DNER: variants seen among roughly 807,000 people sequenced by gnomAD.
DNER encodes delta/notch like EGF repeat containing, also known as delta and Notch-like epidermal growth factor-related receptor.
Under a neutral mutation model 78.2 loss-of-function variants are expected in DNER, and 33 were observed. The ratio of observed to expected loss-of-function variants is 0.42; its 90% confidence interval spans 0.32 to 0.56. The LOEUF is 0.56. DNER is among the 20% of genes least tolerant of loss of function. The pLI, the probability that DNER is intolerant of heterozygous loss-of-function variation, is 0.11. For synonymous variants in DNER, 417 were observed against 384.8 expected (o/e 1.08, Z -0.98); for missense variants, 918 against 975.3 (o/e 0.94, Z 0.78).
At chr2:229,519,036 C>T (rs1191536423) in intron 5 of DNER, among the ~76,000 whole-genome samples, 1 of 151,578 alleles carries the variant, frequency 6.6e-6, no homozygotes, top group South Asian at 2.1e-4. Context: ...ACATAGGGCT[C>T]TATGACTACC....
chr2:229,544,195 A>G (rs1029020921), intron 5 of DNER, among the ~76,000 whole-genome samples: 1 of 152,156 alleles, frequency 6.6e-6, no homozygotes. Flanking sequence ...CCCATAAAGT[A>G]TGTTGATACA....
chr2:229,387,761 T>C (rs1362459274), intron 11 of DNER, among the ~76,000 whole-genome samples: 1 of 152,192 alleles, frequency 6.6e-6, no homozygotes, highest in African/African-American at 2.4e-5. Context: ...TTTTTCAGCC[T>C]TTCTTTTAAG....
chr2:229,585,092 C>G (rs1697474278), intron 4 of DNER, among the ~76,000 whole-genome samples: 1 of 152,072 alleles, frequency 6.6e-6, no homozygotes, highest in African/African-American at 2.4e-5. Flanking sequence ...GAGTTGGGGA[C>G]CCTGCAGTGG....
intron 7 of DNER, among the ~76,000 whole-genome samples, chr2:229,457,704 A>C (rs1694606349): frequency 6.6e-6 from 1 of 151,678 alleles, no homozygotes. Flanking sequence ...AGATCCAATC[A>C]TATCAAGGTT....
In DNER at chr2:229,367,079, G is replaced by A. The variant is rs770982597; in HGVS notation, c.1896C>T (p.Thr632=). 2.2e-5 allele frequency: 35 copies of A among 1,613,992 alleles called. No homozygotes were observed. Among genetic ancestry groups the A allele is most frequent in the Non-Finnish European group, 1.7e-6 (2 of 1,180,028 alleles). ...WKSGHMAESL[T]NMPRHSLYII... is the part of the protein sequence containing the mutation. ...TGTAGAGGGAGTGCCGTGGCATGTTGGTGAGGCTCTCCGCCATGTGCCCGG... is the reference window on the plus strand; with the variant it reads ...TGTAGAGGGAGTGCCGTGGCATGTTAGTGAGGCTCTCCGCCATGTGCCCGG... Residue 632 remains threonine, a synonymous_variant, in exon 12 of 13, where the codon ACC becomes ACT. Coordinates refer to ENST00000341772, the MANE Select transcript of DNER (RefSeq NM_139072.4).
intron 8 of DNER, among the ~76,000 whole-genome samples, chr2:229,420,503 A>G (rs769760028): frequency 6.6e-6 from 1 of 152,146 alleles, no homozygotes. Flanking sequence ...CCTAAGGCCA[A>G]TGTTATGAAG....
At chr2:229,482,143 G>A (rs13424219) in intron 6 of DNER, among the ~76,000 whole-genome samples, 4,045 of 152,252 alleles carry the variant, frequency 0.027, 91 homozygotes, top group Middle Eastern at 0.055. Flanking sequence ...CTAGCTAGTG[G>A]TACTCCCTCT....
At chr2:229,678,558 G>T (rs770433494) in intron 1 of DNER, among the ~76,000 whole-genome samples, 2 of 152,234 alleles carry the variant, frequency 1.3e-5, no homozygotes, top group Non-Finnish European at 2.9e-5. Context: ...TGGCAGATGA[G>T]GTTGAGGAAG....
chr2:229,392,611 C>G (rs1054086984), intron 10 of DNER, among the ~76,000 whole-genome samples: 12 of 152,122 alleles, frequency 7.9e-5, no homozygotes, highest in African/African-American at 2.7e-4. Flanking sequence ...AGTTCCCAAA[C>G]TCACAGAGGA....
At chr2:229,595,590 C>T (rs916761285) in intron 1 of DNER, among the ~76,000 whole-genome samples, 2 of 152,152 alleles carry the variant, frequency 1.3e-5, no homozygotes, top group Non-Finnish European at 2.9e-5. Flanking sequence ...CCTGTATTCA[C>T]CAAGTTTTAC....
At chr2:229,480,084 A>G (rs771006071) in intron 6 of DNER, among the ~76,000 whole-genome samples, 1 of 152,232 alleles carries the variant, frequency 6.6e-6, no homozygotes, top group Non-Finnish European at 1.5e-5. Flanking sequence ...AGAAGAATGC[A>G]GGACTCTGTG....
intron 4 of DNER, among the ~76,000 whole-genome samples, chr2:229,579,817 C>T (rs140134356): frequency 5.3e-4 from 80 of 150,164 alleles, no homozygotes; most frequent in East Asian, 2.1e-3. Flanking sequence ...TGTTAGGCTA[C>T]AAAACACTGT....
At chr2:229,387,197 A>G (rs959343391) in intron 11 of DNER, among the ~76,000 whole-genome samples, 1 of 152,050 alleles carries the variant, frequency 6.6e-6, no homozygotes, top group African/African-American at 2.4e-5. Context: ...GAAGCTGGAA[A>G]CCATCATTCT....
intron 6 of DNER, among the ~76,000 whole-genome samples, chr2:229,493,521 C>T (rs1301967460): frequency 6.6e-6 from 1 of 152,150 alleles, no homozygotes; most frequent in Non-Finnish European, 1.5e-5. Flanking sequence ...AGAATTGTTG[C>T]TGCCCTCGAG....
At chr2:229,419,683 C>T (rs1384384959) in intron 8 of DNER, among the ~76,000 whole-genome samples, 3 of 152,000 alleles carry the variant, frequency 2.0e-5, no homozygotes, top group South Asian at 2.1e-4. Flanking sequence ...TTTGAGGAGC[C>T]CTTGACCTAC....
At chr2:229,615,433 G>C (rs187010508) in intron 1 of DNER, among the ~76,000 whole-genome samples, 2,368 of 151,696 alleles carry the variant, frequency 0.016, 37 homozygotes, top group Middle Eastern at 0.068. Context: ...AAAAAGGCCG[G>C]GCGCGGTGGT....
intron 1 of DNER, among the ~76,000 whole-genome samples, chr2:229,713,065 T>C (rs896469663): frequency 1.1e-4 from 16 of 152,220 alleles, no homozygotes; most frequent in African/African-American, 3.9e-4. Context: ...ATCATTGTTA[T>C]CAAATTTATA....
chr2:229,654,673 T>C (rs778663633), intron 1 of DNER, among the ~76,000 whole-genome samples: 1 of 152,110 alleles, frequency 6.6e-6, no homozygotes, highest in Non-Finnish European at 1.5e-5. Context: ...GTCACACAAG[T>C]CTCAATTTGG....
intron 6 of DNER, among the ~76,000 whole-genome samples, chr2:229,496,753 A>G (rs761463738): frequency 2.6e-4 from 39 of 152,188 alleles, no homozygotes; most frequent in Non-Finnish European, 5.6e-4. Context: ...ATAAGAGGAT[A>G]TAACAATTAT....
Sources: allele counts gnomAD v4.1 joint callset (sites outside exome capture counted in the v4.1 genomes callset), GRCh38; gene constraint gnomAD v4.1.1; transcripts MANE v1.5; gene names NCBI Gene and HGNC (gene_info 2026-07-23, HGNC 2026-07-21).